The following BMP6 variants were observed in gnomAD, a reference collection of about 807,000 sequenced individuals.
The protein encoded by BMP6 is VG-1-R.
A neutral mutation model predicts 54.1 loss-of-function variants in BMP6; 17 were observed. That is an observed-to-expected ratio of 0.31 (90% confidence interval 0.22 to 0.47). The LOEUF (loss-of-function observed/expected upper bound fraction) is 0.47. BMP6 is among the 20% of genes least tolerant of loss of function. BMP6 has a pLI of 1.00. For missense variants in BMP6, 720 were observed against 690.4 expected, an observed-to-expected ratio of 1.04 and a Z score of -0.48; for synonymous variants, 328 against 291.2, an observed-to-expected ratio of 1.13 and a Z score of -1.28.
intron 1 of BMP6, among the ~76,000 whole-genome samples, chr6:7,747,704 C>T (rs1436975864): frequency 1.3e-5 from 2 of 152,132 alleles, no homozygotes; most frequent in East Asian, 1.9e-4. Context: ...TGGAGTGCAG[C>T]GGTACAATAA....
chr6:7,749,570 A>G (rs1757391946), intron 1 of BMP6, among the ~76,000 whole-genome samples: 1 of 152,332 alleles, frequency 6.6e-6, no homozygotes, highest in Non-Finnish European at 1.5e-5. Context: ...GGGAGCCAGT[A>G]GGTCCCACAC....
intron 1 of BMP6, among the ~76,000 whole-genome samples, chr6:7,800,587 G>T (rs1758254763): frequency 6.6e-6 from 1 of 152,044 alleles, no homozygotes; most frequent in South Asian, 2.1e-4. Context: ...TTCTTATTAA[G>T]CTCTGGGGGT....
chr6:7,740,112 A>G (rs1410032957), intron 1 of BMP6, among the ~76,000 whole-genome samples: 1 of 152,180 alleles, frequency 6.6e-6, no homozygotes, highest in South Asian at 2.1e-4. Context: ...AAGAGAGAAC[A>G]TGTGGCCATA....
chr6:7,752,212 G>C (rs1010799866), intron 1 of BMP6, among the ~76,000 whole-genome samples: 1 of 152,200 alleles, frequency 6.6e-6, no homozygotes, highest in African/African-American at 2.4e-5. Context: ...TGGCAGTGTG[G>C]AAGCAATACT....
At chr6:7,755,555 A>T (rs916995561) in intron 1 of BMP6, among the ~76,000 whole-genome samples, 2 of 152,212 alleles carry the variant, frequency 1.3e-5, no homozygotes, top group Non-Finnish European at 2.9e-5. Context: ...GTTTGCATCA[A>T]GCAGTCAATC....
rs1408522627 is a variant in BMP6, at chr6:7,880,004, C to T, written c.1295C>T (p.Ala432Val). 2 of 1,614,174 alleles carry T rather than the reference C, an allele frequency of 1.2e-6. No individual in the cohort carries two copies. The highest frequency in any genetic ancestry group is 1.7e-5 in the Admixed American group (1 of 60,018). Residue 432 changes from alanine to valine, a missense_variant, in exon 6 of 7, where the codon GCA becomes GTA. By Grantham distance (64) the Ala-to-Val change is moderately conservative. This residue lies in a region of BMP6 where 27 missense variants were observed against 80.1 expected (regional missense o/e 0.34). Coordinates refer to ENST00000283147, the MANE Select transcript of BMP6 (RefSeq NM_001718.6). ...QDLGWQDWII[A>V]PKGYAANYCD... The stretch of plus-strand genomic sequence containing the variant: ...CATGAAATTAAGGACTGGATCATTG[C>T]ACCCAAGGGCTATGCTGCCAATTAC...
chr6:7,796,976 C>T (rs555268512), intron 1 of BMP6, among the ~76,000 whole-genome samples: 62 of 152,252 alleles, frequency 4.1e-4, no homozygotes, highest in African/African-American at 1.5e-3. Context: ...GTTTCTGTTT[C>T]TCTTTGTCAT....
chr6:7,799,931 G>A (rs1758244845), intron 1 of BMP6, among the ~76,000 whole-genome samples: 1 of 152,150 alleles, frequency 6.6e-6, no homozygotes, highest in South Asian at 2.1e-4. Flanking sequence ...GAAGGGTCAG[G>A]TGTCATCAAT....
intron 1 of BMP6, among the ~76,000 whole-genome samples, chr6:7,802,947 T>C (rs1758293545): frequency 6.6e-6 from 1 of 152,212 alleles, no homozygotes; most frequent in Non-Finnish European, 1.5e-5. Context: ...CTGCAGGTGC[T>C]GTGGGATACA....
chr6:7,833,263 G>A (rs572088063), intron 1 of BMP6, among the ~76,000 whole-genome samples: 1 of 152,300 alleles, frequency 6.6e-6, no homozygotes, highest in East Asian at 1.9e-4. Context: ...TGACTGATGT[G>A]ACAGGAACCA....
intron 1 of BMP6, among the ~76,000 whole-genome samples, chr6:7,760,062 C>CTTTT (rs10587005): frequency 8.7e-6 from 1 of 114,480 alleles, no homozygotes; most frequent in Non-Finnish European, 1.7e-5. Flanking sequence ...TATTTTTCAA[C>CTTTT]TTTTTTTTTT....
At chr6:7,838,269 G>T (rs997455354) in intron 1 of BMP6, among the ~76,000 whole-genome samples, 1 of 152,000 alleles carries the variant, frequency 6.6e-6, no homozygotes. Flanking sequence ...TATTTTCCTA[G>T]GTATGCACGT....
At chr6:7,877,506 C>T (rs1246994861) in intron 4 of BMP6, among the ~76,000 whole-genome samples, 1 of 152,096 alleles carries the variant, frequency 6.6e-6, no homozygotes, top group Non-Finnish European at 1.5e-5. Context: ...GCCTGTAGTC[C>T]CAGCTACTCG....
intron 1 of BMP6, among the ~76,000 whole-genome samples, chr6:7,742,952 A>G (rs533994873): frequency 7.1e-4 from 108 of 152,240 alleles, no homozygotes; most frequent in Non-Finnish European, 1.2e-3. Context: ...TCCCTACCAG[A>G]GTATGTGAGA....
intron 1 of BMP6, among the ~76,000 whole-genome samples, chr6:7,746,110 G>A (rs1757342502): frequency 6.6e-6 from 1 of 152,186 alleles, no homozygotes. Context: ...TCCCGCCGGA[G>A]GAATGCATCA....
intron 1 of BMP6, among the ~76,000 whole-genome samples, chr6:7,800,326 T>C (rs1303755787): frequency 6.6e-6 from 1 of 152,192 alleles, no homozygotes; most frequent in Non-Finnish European, 1.5e-5. Flanking sequence ...GAGAGAGCTT[T>C]TAAATACAGA....
chr6:7,872,945 C>T lies in BMP6; in HGVS notation c.1205-6129C>T, dbSNP rs556786497. Among the ~76,000 whole-genome samples, 55 of 151,718 alleles carry T rather than the reference C, an allele frequency of 3.6e-4. 1 individual carries two copies. The South Asian group carries it at 0.01, about 28-fold the overall frequency. On this transcript the variant is annotated intron_variant, in intron 4 of 6. Transcript: ENST00000283147. The stretch of plus-strand genomic sequence containing the variant: ...CTCCCACCTTAGCCTCCCAAATAGC[C>T]GAGACCACAGGCACACACCACTATG...
chr6:7,822,945 A>C (rs1758639148), intron 1 of BMP6, among the ~76,000 whole-genome samples: 1 of 142,568 alleles, frequency 7.0e-6, no homozygotes, highest in Non-Finnish European at 1.5e-5. Flanking sequence ...GTGTGTGTAC[A>C]CACTGGTAAA....
At chr6:7,850,943 T>G (rs1468928713) in intron 2 of BMP6, among the ~76,000 whole-genome samples, 1 of 152,232 alleles carries the variant, frequency 6.6e-6, no homozygotes, top group Non-Finnish European at 1.5e-5. Context: ...ACTATATATG[T>G]GTGAGTCCAT....
Sources: allele counts gnomAD v4.1 joint callset (sites outside exome capture counted in the v4.1 genomes callset), GRCh38; gene constraint gnomAD v4.1.1; regional missense constraint gnomAD v4.1.1; transcripts MANE v1.5; gene names NCBI Gene and HGNC (gene_info 2026-07-23, HGNC 2026-07-21).